Variants in CSMD1 observed in about 807,000 individuals in gnomAD.
CSMD1 encodes CUB and Sushi multiple domains 1.
In CSMD1, 213 loss-of-function variants were observed where a neutral mutation model predicts 417.5. That is an observed-to-expected ratio of 0.51 (90% CI 0.46 to 0.57). The LOEUF (loss-of-function observed/expected upper bound fraction) is 0.57, where lower values mean the gene tolerates loss of function less well. Among genes scored for constraint, CSMD1 ranks in the 20% least tolerant of loss-of-function variants. CSMD1 has a pLI of 0.00. For synonymous variants in CSMD1, 2,862 were observed against 1,736.8 expected, an observed-to-expected ratio of 1.65 and a Z score of -16.11; for missense variants, 6,923 against 4,529.7, an observed-to-expected ratio of 1.53 and a Z score of -15.17.
At chr8:4,524,893 C>G (rs1042545832) in intron 2 of CSMD1, among the ~76,000 whole-genome samples, 7 of 152,068 alleles carry the variant, frequency 4.6e-5, no homozygotes, top group Admixed American at 6.6e-5. Context: ...TCTAAGTATT[C>G]TTAAAAAGTA....
intron 3 of CSMD1, among the ~76,000 whole-genome samples, chr8:4,209,463 T>C (rs1800177032): frequency 6.6e-6 from 1 of 152,178 alleles, no homozygotes; most frequent in Non-Finnish European, 1.5e-5. Flanking sequence ...CATTGTCACA[T>C]CTGCTAGTTC....
intron 2 of CSMD1, among the ~76,000 whole-genome samples, chr8:4,475,675 G>A (rs1056218542): frequency 7.8e-5 from 6 of 76,774 alleles, no homozygotes; most frequent in African/African-American, 1.6e-4. Context: ...GGAGTGCAGT[G>A]GCATGATCTC....
At chr8:3,675,296 G>A (rs976933962) in intron 7 of CSMD1, among the ~76,000 whole-genome samples, 1 of 152,196 alleles carries the variant, frequency 6.6e-6, no homozygotes, top group Non-Finnish European at 1.5e-5. Context: ...AGGGTTGGCA[G>A]CACTATGCAC....
intron 7 of CSMD1, among the ~76,000 whole-genome samples, chr8:3,662,621 C>G (rs1213291311): frequency 6.6e-6 from 1 of 152,168 alleles, no homozygotes; most frequent in Non-Finnish European, 1.5e-5. Context: ...TCCACACTGT[C>G]TTCCAGAATG....
intron 2 of CSMD1, among the ~76,000 whole-genome samples, chr8:4,612,620 G>C (rs939625624): frequency 1.3e-5 from 2 of 152,166 alleles, no homozygotes; most frequent in African/African-American, 4.8e-5. Flanking sequence ...ATGAGGACAA[G>C]GGTAAGGCCA....
intron 17 of CSMD1, among the ~76,000 whole-genome samples, chr8:3,393,463 G>A (rs1659919421): frequency 6.6e-6 from 1 of 152,108 alleles, no homozygotes; most frequent in African/African-American, 2.4e-5. Flanking sequence ...CTTCTTTTTA[G>A]GGATGGAGAG....
At chr8:2,953,998 A>G (rs1802825182) in intron 65 of CSMD1, among the ~76,000 whole-genome samples, 1 of 152,252 alleles carries the variant, frequency 6.6e-6, no homozygotes, top group Admixed American at 6.5e-5. Flanking sequence ...GTGTGATAAC[A>G]CCAAAGGTTT....
intron 6 of CSMD1, among the ~76,000 whole-genome samples, chr8:3,736,917 G>T (rs1464019287): frequency 6.6e-6 from 1 of 152,162 alleles, no homozygotes; most frequent in Non-Finnish European, 1.5e-5. Flanking sequence ...AGAACATTCC[G>T]TGTGAAGCAT....
intron 3 of CSMD1, among the ~76,000 whole-genome samples, chr8:4,166,750 T>C (rs369109394): frequency 2.6e-5 from 4 of 152,146 alleles, no homozygotes; most frequent in East Asian, 1.9e-4. Context: ...CCCAAAACTA[T>C]TGAAGCATAA....
At chr8:4,017,911 C>T (rs1295220324) in intron 4 of CSMD1, among the ~76,000 whole-genome samples, 1 of 152,124 alleles carries the variant, frequency 6.6e-6, no homozygotes. Context: ...CACGGTATTT[C>T]TGATGACTCC....
intron 12 of CSMD1, among the ~76,000 whole-genome samples, chr8:3,453,149 G>T (rs1376341364): frequency 2.6e-5 from 4 of 152,058 alleles, no homozygotes; most frequent in Non-Finnish European, 4.4e-5. Context: ...TATTTCCATG[G>T]GATTGGTGGT....
chr8:4,032,234 G>A, intron 3 of CSMD1, 135 bp from the exon 4 acceptor site: 16 of 617,144 alleles, frequency 2.6e-5, no homozygotes, highest in Non-Finnish European at 4.1e-5. Flanking sequence ...ATTAATTGTT[G>A]CTAAAAAATA....
chr8:4,418,139 C>G (rs1460307504), intron 3 of CSMD1, among the ~76,000 whole-genome samples: 4 of 151,800 alleles, frequency 2.6e-5, no homozygotes, highest in Non-Finnish European at 5.9e-5. Context: ...AGGTTTTTTT[C>G]TTTTAAATAG....
At chr8:3,661,786 C>G (rs1189581743) in intron 7 of CSMD1, among the ~76,000 whole-genome samples, 1 of 152,156 alleles carries the variant, frequency 6.6e-6, no homozygotes, top group South Asian at 2.1e-4. Context: ...CCTGAGCCAC[C>G]ATGACCGGCA....
chr8:4,565,518 C>T (rs1024926932), intron 2 of CSMD1, among the ~76,000 whole-genome samples: 13 of 151,888 alleles, frequency 8.6e-5, no homozygotes, highest in Admixed American at 8.5e-4. Flanking sequence ...TGGGCGATCA[C>T]AAGGTCAGGT....
intron 4 of CSMD1, 76 bp downstream of exon 4, chr8:4,031,829 A>C (rs1418035079): frequency 6.1e-6 from 7 of 1,139,716 alleles, no homozygotes; most frequent in East Asian, 2.6e-5. Flanking sequence ...ATTTAAGTGG[A>C]AACTTTCATA....
chr8:4,676,528 C>T (rs1203431976), intron 1 of CSMD1, among the ~76,000 whole-genome samples: 1 of 152,168 alleles, frequency 6.6e-6, no homozygotes, highest in African/African-American at 2.4e-5. Context: ...TCATAATTTC[C>T]TGTTGGTCTA....
intron 1 of CSMD1, among the ~76,000 whole-genome samples, chr8:4,897,742 T>C (rs947691185): frequency 6.6e-6 from 1 of 152,120 alleles, no homozygotes; most frequent in Non-Finnish European, 1.5e-5. Context: ...ATTCTACTCA[T>C]CAACTGTTAC....
At chr8:4,659,081 T>A (rs1004979494) in intron 1 of CSMD1, among the ~76,000 whole-genome samples, 2 of 152,012 alleles carry the variant, frequency 1.3e-5, no homozygotes, top group Admixed American at 6.6e-5. Context: ...ACTTCACAAA[T>A]ACATACAAAT....
Sources: allele counts gnomAD v4.1 joint callset (sites outside exome capture counted in the v4.1 genomes callset), GRCh38; gene constraint gnomAD v4.1.1; transcripts MANE v1.5; gene names NCBI Gene and HGNC (gene_info 2026-07-23, HGNC 2026-07-21).